APOBEC1: variants seen among roughly 807,000 people sequenced by gnomAD.
The protein encoded by APOBEC1 is apolipoprotein B mRNA editing enzyme catalytic subunit 1, also known as C->U-editing enzyme APOBEC-1.
A neutral mutation model predicts 26.3 loss-of-function variants in APOBEC1; 22 were observed. The observed-to-expected ratio is 0.84, with a 90% CI of 0.60 to 1.19. APOBEC1 has a LOEUF of 1.19. APOBEC1 is among the 50% of genes most tolerant of loss of function. The probability of loss-of-function intolerance (pLI) is 0.00; values close to 1 mark genes in which losing one functional copy is unlikely to be tolerated. For synonymous variants in APOBEC1, 77 were observed against 95.3 expected, an observed-to-expected ratio of 0.81 and a Z score of 1.12; for missense variants, 253 against 289.0, an observed-to-expected ratio of 0.88 and a Z score of 0.90.
rs376031166 is a variant in APOBEC1, at chr12:7,654,590, T to C, written c.44+15A>G. The C allele has an allele frequency of 9.9e-6, 16 of 1,613,168 alleles. No homozygotes were observed. The highest frequency in any genetic ancestry group is 2.2e-5 in the East Asian group (1 of 44,866). On this transcript the variant is annotated intron_variant, in intron 2 of 4. Transcript: ENST00000229304. ...TGATCAAATTAAATGGGCACTGTGA[T>C]AGTGTTATTCTTACCTCAGAGTGGG... is the stretch of plus-strand genomic sequence containing the variant.
intron 1 of APOBEC1, among the ~76,000 whole-genome samples, chr12:7,665,502 T>A (rs1165805798): frequency 6.6e-6 from 1 of 152,008 alleles, no homozygotes; most frequent in Admixed American, 6.6e-5. Context: ...TTCACCATGT[T>A]GGCCAGGCTG....
chr12:7,651,907 G>A (rs1293962723), intron 3 of APOBEC1, among the ~76,000 whole-genome samples: 8 of 151,774 alleles, frequency 5.3e-5, no homozygotes, highest in African/African-American at 1.7e-4. Context: ...TGCAAGCTCC[G>A]CCTCCCGGGT....
rs886891822 is a variant in APOBEC1, at chr12:7,664,680, C to G, written c.16+1177G>C. Among the ~76,000 whole-genome samples the G allele has an allele frequency of 2.5e-4, 38 of 152,170 alleles. 1 individual carries two copies. The highest frequency in any genetic ancestry group is 8.7e-4 in the African/African-American group (36 of 41,516). ...CTGTAATCCCAGTACTTTGGGAGGCCGAGGCTAGTGGATCACTTGAGCCCA... is the reference window on the plus strand; with the variant it reads ...CTGTAATCCCAGTACTTTGGGAGGCGGAGGCTAGTGGATCACTTGAGCCCA... On this transcript the variant is annotated intron_variant, in intron 1 of 4. Coordinates refer to ENST00000229304, the MANE Select transcript of APOBEC1 (RefSeq NM_001644.5).
At chr12:7,665,423 G>A (rs192996461) in intron 1 of APOBEC1, among the ~76,000 whole-genome samples, 30 of 151,926 alleles carry the variant, frequency 2.0e-4, no homozygotes, top group Non-Finnish European at 3.7e-4. Context: ...TCAGCCTCCC[G>A]AGTAGCTGGG....
intron 2 of APOBEC1, among the ~76,000 whole-genome samples, 174 bp downstream of exon 2, chr12:7,654,431 G>A (rs984617469): frequency 1.3e-5 from 2 of 149,734 alleles, no homozygotes; most frequent in African/African-American, 5.0e-5. Flanking sequence ...CAGTGCAGTG[G>A]TGCAATCATA....
At chr12:7,652,340 G>A in intron 3 of APOBEC1, 98 bp downstream of exon 3, 2 of 1,135,870 alleles carry the variant, frequency 1.8e-6, no homozygotes, top group Non-Finnish European at 2.4e-6. Context: ...TTACTTCTGA[G>A]ACTTCCAGCC....
chr12:7,667,909 CT>C (rs777319650), upstream of APOBEC1, among the ~76,000 whole-genome samples: 25 of 78,472 alleles, frequency 3.2e-4, no homozygotes, highest in South Asian at 4.5e-3. Flanking sequence ...GAGACTACGT[CT>C]AAAAAAAAAA....
At chr12:7,659,044 C>T (rs866966370) in intron 1 of APOBEC1, among the ~76,000 whole-genome samples, 2 of 146,280 alleles carry the variant, frequency 1.4e-5, no homozygotes, top group African/African-American at 2.5e-5. Flanking sequence ...CCTGTAATCC[C>T]AGCACTTTGG....
intron 1 of APOBEC1, among the ~76,000 whole-genome samples, chr12:7,659,322 A>AAAATATAT (rs1555094633): frequency 6.1e-4 from 28 of 46,274 alleles, no homozygotes; most frequent in African/African-American, 8.8e-4. Context: ...AAAAAAAAAA[A>AAAATATAT]ATATATATAT....
At chr12:7,664,806 G>A (rs1860980) in intron 1 of APOBEC1, among the ~76,000 whole-genome samples, 1 of 151,614 alleles carries the variant, frequency 6.6e-6, no homozygotes, top group African/African-American at 2.4e-5. Flanking sequence ...ACCCAGGAAG[G>A]TGAGGCGGGA....
chr12:7,660,027 C>T (rs1251816621), intron 1 of APOBEC1, among the ~76,000 whole-genome samples: 5 of 151,752 alleles, frequency 3.3e-5, no homozygotes, highest in African/African-American at 7.3e-5. Context: ...GTATTTGGGC[C>T]GGGTGCGGTG....
At chr12:7,666,164 TG>T (rs1863889795), upstream of APOBEC1, among the ~76,000 whole-genome samples, 1 of 152,212 alleles carries the variant, frequency 6.6e-6, no homozygotes, top group African/African-American at 2.4e-5. Flanking sequence ...CAATGACATC[TG>T]AATTTGGTAA....
chr12:7,653,982 A>G (rs768476602), intron 2 of APOBEC1, among the ~76,000 whole-genome samples: 1 of 152,312 alleles, frequency 6.6e-6, no homozygotes, highest in East Asian at 1.9e-4. Flanking sequence ...GTTCCCACTC[A>G]TCCCTAAAGT....
intron 1 of APOBEC1, among the ~76,000 whole-genome samples, chr12:7,662,720 T>A (rs1863836782): frequency 6.6e-6 from 1 of 151,914 alleles, no homozygotes; most frequent in South Asian, 2.1e-4. Context: ...GAATGTAAAT[T>A]TAGAGAGCAA....
chr12:7,658,403 T>C (rs1449974313), intron 1 of APOBEC1, among the ~76,000 whole-genome samples: 4 of 152,148 alleles, frequency 2.6e-5, no homozygotes, highest in Non-Finnish European at 4.4e-5. Context: ...GATGATTAAA[T>C]AGGTGTTGGA....
chr12:7,652,713 T>C lies in APOBEC1; in HGVS notation c.167A>G (p.Lys56Arg). The C allele has an allele frequency of 6.2e-7, 1 of 1,614,158 alleles. No homozygotes were observed. Among genetic ancestry groups the C allele is most frequent in the Non-Finnish European group, 8.5e-7 (1 of 1,180,028 alleles). ...MSRKIWRSSG[K>R]NTTNHVEVNF... ...AACTTCCACGTGATTGGTGGTGTTT[T>C]TGCCTGAGCTTCGCCAGATCTTCCG... Residue 56 changes from lysine (K) to arginine (R), a missense_variant, in exon 3 of 5, where the codon AAA (lysine) becomes AGA (arginine). Lys to Arg is a conservative substitution (Grantham distance 26). Transcript: ENST00000229304.
chr12:7,664,900 TA>T (rs397850472), intron 1 of APOBEC1, among the ~76,000 whole-genome samples: 5,420 of 135,196 alleles, frequency 0.04, 92 homozygotes, highest in South Asian at 0.09. Context: ...GGGCGAGTCT[TA>T]AAAAAAAAAA....
upstream of APOBEC1, among the ~76,000 whole-genome samples, chr12:7,670,001 G>A (rs1863933246): frequency 6.6e-6 from 1 of 151,256 alleles, no homozygotes; most frequent in Non-Finnish European, 1.5e-5. Flanking sequence ...ACCCACCCTG[G>A]AGACAAAATT....
chr12:7,650,970 TGAA>T, intron 4 of APOBEC1, 50 bp downstream of exon 4: 8 of 1,337,186 alleles, frequency 6.0e-6, no homozygotes, highest in Non-Finnish European at 8.5e-6. Flanking sequence ...GAAAGACCTT[TGAA>T]GAAGGATGCT....
Sources: gnomAD v4.1 joint callset for allele counts (sites outside exome capture counted in the v4.1 genomes callset) on GRCh38, gnomAD v4.1.1 for gene constraint, MANE v1.5 for transcripts, NCBI Gene and HGNC (gene_info 2026-07-23, HGNC 2026-07-21) for gene names.